SND1: variants seen among roughly 807,000 people sequenced by gnomAD.
SND1 encodes the protein staphylococcal nuclease and tudor domain containing 1.
Under a neutral mutation model 121.7 loss-of-function variants are expected in SND1, and 38 were observed. The observed-to-expected ratio is 0.31, with a 90% confidence interval of 0.24 to 0.41. The LOEUF is 0.41. Among genes scored for constraint, SND1 ranks in the 10% least tolerant of loss-of-function variants. The pLI is 1.00. For synonymous variants in SND1, 401 were observed against 447.4 expected, an observed-to-expected ratio of 0.90 and a Z score of 1.31; for missense variants, 868 against 1,184.6, an observed-to-expected ratio of 0.73 and a Z score of 3.92.
At chr7:128,016,238 C>T (rs910464443) in intron 16 of SND1, among the ~76,000 whole-genome samples, 2 of 151,424 alleles carry the variant, frequency 1.3e-5, no homozygotes, top group African/African-American at 4.9e-5. Context: ...CCTCCTCAGC[C>T]TCCCTAGTAG....
At chr7:127,729,208 A>G (rs1189006842) in intron 10 of SND1, among the ~76,000 whole-genome samples, 1 of 152,160 alleles carries the variant, frequency 6.6e-6, no homozygotes, top group Non-Finnish European at 1.5e-5. Context: ...GCTTTTCTGA[A>G]TATCTTCCTT....
At chr7:127,905,598 G>A (rs1241444328) in intron 14 of SND1, among the ~76,000 whole-genome samples, 1 of 152,190 alleles carries the variant, frequency 6.6e-6, no homozygotes, top group Non-Finnish European at 1.5e-5. Context: ...ATGTCAGGTA[G>A]CGAAAACTAC....
chr7:127,846,392 A>G (rs1178091495), intron 12 of SND1, among the ~76,000 whole-genome samples: 1 of 152,196 alleles, frequency 6.6e-6, no homozygotes, highest in Non-Finnish European at 1.5e-5. Context: ...CCTGGAAAGC[A>G]TTATGAGTTT....
At chr7:128,016,054 A>C (rs1372997894) in intron 16 of SND1, among the ~76,000 whole-genome samples, 1 of 151,708 alleles carries the variant, frequency 6.6e-6, no homozygotes, top group Non-Finnish European at 1.5e-5. Flanking sequence ...TGATGTCTAG[A>C]TTGCTATTAC....
chr7:127,743,405 G>A (rs2116440214), intron 10 of SND1, among the ~76,000 whole-genome samples: 1 of 152,308 alleles, frequency 6.6e-6, no homozygotes, highest in African/African-American at 2.4e-5. Flanking sequence ...CTGAATGTCA[G>A]CAAACATTTA....
In SND1 at chr7:128,029,996, G is replaced by C. The variant is rs772131783; in HGVS notation, c.1779+38940G>C. On this transcript the variant is annotated intron_variant, in intron 16 of 23. Coordinates refer to ENST00000354725, the MANE Select transcript of SND1 (RefSeq NM_014390.4). This position sits in a 1 kb window ranked among gnomAD's most constrained non-coding sequence, Gnocchi z 4.2. ...CCAGCTCCTCCAGCCCCACCAGGGG[G>C]GTGAGATTGGGCATGTCTTTAATGT... is the stretch of plus-strand genomic sequence containing the variant. 6.2e-7 allele frequency: 1 copy of C among 1,613,146 alleles called. No individual in the cohort carries two copies. The highest frequency in any genetic ancestry group is 1.6e-4 in the Middle Eastern group (1 of 6,062).
chr7:127,817,895 T>G (rs2116597931), intron 11 of SND1, among the ~76,000 whole-genome samples: 1 of 152,192 alleles, frequency 6.6e-6, no homozygotes, highest in African/African-American at 2.4e-5. Context: ...GCAAAGAGCC[T>G]CTCTTGTCTT....
intron 12 of SND1, among the ~76,000 whole-genome samples, chr7:127,855,555 A>G (rs894701631): frequency 1.3e-5 from 2 of 152,114 alleles, no homozygotes; most frequent in Admixed American, 6.5e-5. Flanking sequence ...TAGAGATAAT[A>G]GTATATACCT....
chr7:127,899,398 T>C (rs1584651455), intron 13 of SND1, among the ~76,000 whole-genome samples: 1 of 152,234 alleles, frequency 6.6e-6, no homozygotes, highest in East Asian at 1.9e-4. Flanking sequence ...TGGCTACAGA[T>C]AGGTGATACT....
chr7:127,908,491 T>G (rs1159369683), intron 14 of SND1, among the ~76,000 whole-genome samples: 2 of 152,112 alleles, frequency 1.3e-5, no homozygotes, highest in Non-Finnish European at 2.9e-5. Flanking sequence ...TTTCCAATTT[T>G]TCACAGAGTA....
intron 14 of SND1, among the ~76,000 whole-genome samples, chr7:127,928,951 G>A (rs960205786): frequency 6.6e-6 from 1 of 152,188 alleles, no homozygotes; most frequent in Non-Finnish European, 1.5e-5. Context: ...TGGTGTGAAA[G>A]TCTCATTTTC....
chr7:127,678,197 A>C (rs1185040409), intron 1 of SND1, among the ~76,000 whole-genome samples: 2 of 152,208 alleles, frequency 1.3e-5, no homozygotes, highest in Admixed American at 1.3e-4. Context: ...GGGAAACTTC[A>C]ACCCCAATCC....
At chr7:127,814,967 A>T (rs1050155797) in intron 11 of SND1, among the ~76,000 whole-genome samples, 1 of 152,142 alleles carries the variant, frequency 6.6e-6, no homozygotes, top group African/African-American at 2.4e-5. Context: ...GTTTTAATGT[A>T]TTTAAAATCT....
At chr7:127,972,822 C>T (rs1802030577) in intron 15 of SND1, among the ~76,000 whole-genome samples, 1 of 152,128 alleles carries the variant, frequency 6.6e-6, no homozygotes, top group Non-Finnish European at 1.5e-5. Flanking sequence ...TCAAGAGATC[C>T]ACCTGTCTTG....
chr7:127,905,986 T>C (rs1800327947), intron 14 of SND1, among the ~76,000 whole-genome samples: 3 of 152,168 alleles, frequency 2.0e-5, no homozygotes. Flanking sequence ...TGGAGGCTTT[T>C]TCTGTTGCTC....
intron 1 of SND1, among the ~76,000 whole-genome samples, chr7:127,670,748 C>T (rs549930638): frequency 6.6e-4 from 100 of 150,740 alleles, no homozygotes; most frequent in African/African-American, 2.3e-3. Context: ...ATCCTGGCCC[C>T]GAGAGATCTT....
chr7:128,028,862 C>G (rs1341671655), intron 16 of SND1: 28 of 1,614,080 alleles, frequency 1.7e-5, no homozygotes, highest in Non-Finnish European at 2.3e-5. Context: ...CTACTGCCCC[C>G]TCACCTGATA....
intron 10 of SND1, among the ~76,000 whole-genome samples, chr7:127,754,461 A>G (rs1797158592): frequency 2.6e-5 from 4 of 152,226 alleles, no homozygotes; most frequent in South Asian, 4.1e-4. Context: ...TCATATGTCC[A>G]TAATAGGTAG....
chr7:128,073,113 T>C (rs1584773844), intron 16 of SND1, among the ~76,000 whole-genome samples: 1 of 151,346 alleles, frequency 6.6e-6, no homozygotes. Context: ...GGAAAGGGGG[T>C]ATTAGGGAGG....
Sources: gnomAD v4.1 joint callset for allele counts (sites outside exome capture counted in the v4.1 genomes callset) on GRCh38, gnomAD v4.1.1 for gene constraint, Gnocchi (gnomAD v3.1) non-coding constraint, MANE v1.5 for transcripts, NCBI Gene and HGNC (gene_info 2026-07-23, HGNC 2026-07-21) for gene names.